The following FAR2 variants were observed in gnomAD, a reference collection of about 807,000 sequenced individuals.
The protein encoded by FAR2 is epididymis secretory protein Li 81.
FAR2 carries 19 observed loss-of-function variants against 56.0 expected under a neutral mutation model. The ratio of observed to expected loss-of-function variants is 0.34; its 90% CI spans 0.24 to 0.50. The LOEUF (loss-of-function observed/expected upper bound fraction) is 0.50, where lower values mean the gene tolerates loss of function less well. Among genes scored for constraint, FAR2 ranks in the 20% least tolerant of loss-of-function variants. The pLI is 0.98. For synonymous variants in FAR2, 219 were observed against 218.8 expected, an observed-to-expected ratio of 1.00 and a Z score of -0.01; for missense variants, 508 against 642.2, an observed-to-expected ratio of 0.79 and a Z score of 2.26.
chr12:29,294,489 G>A (rs1443591529), intron 3 of FAR2, among the ~76,000 whole-genome samples: 1 of 151,766 alleles, frequency 6.6e-6, no homozygotes, highest in African/African-American at 2.4e-5. Context: ...TTGGGATTAC[G>A]GGTGCCTGCC....
intron 1 of FAR2, among the ~76,000 whole-genome samples, chr12:29,240,392 T>C (rs67150462): frequency 0.37 from 55,998 of 151,998 alleles, 10,430 homozygotes; most frequent in African/African-American, 0.41. Flanking sequence ...CTGTCAGGAC[T>C]CCTCCTTCCA....
intron 10 of FAR2, among the ~76,000 whole-genome samples, chr12:29,329,989 C>T (rs975368813): frequency 1.8e-4 from 27 of 150,760 alleles, no homozygotes; most frequent in African/African-American, 6.1e-4. Flanking sequence ...AATATAGTTT[C>T]ATAGGACTCG....
chr12:29,281,280 G>A (rs1810290301), intron 2 of FAR2: 1 of 152,220 alleles, frequency 6.6e-6, no homozygotes, highest in Non-Finnish European at 1.5e-5. Flanking sequence ...AGAGAAGACA[G>A]GCAGGCAAGC....
chr12:29,267,485 T>C (rs767036192), intron 1 of FAR2, among the ~76,000 whole-genome samples: 2 of 152,216 alleles, frequency 1.3e-5, no homozygotes, highest in Non-Finnish European at 2.9e-5. Flanking sequence ...GTGGTAGAAC[T>C]GGGATTTTAC....
At chr12:29,149,473 G>A (rs998224208) in intron 1 of FAR2, 66 bp downstream of exon 1, 2 of 152,384 alleles carry the variant, frequency 1.3e-5, no homozygotes, top group African/African-American at 4.8e-5. Flanking sequence ...AGACCGGACT[G>A]GGGGTGGCCC....
intron 1 of FAR2, among the ~76,000 whole-genome samples, chr12:29,168,364 T>G (rs1949851278): frequency 1.3e-5 from 2 of 152,212 alleles, no homozygotes; most frequent in African/African-American, 4.8e-5. Context: ...TTTCTGGGGA[T>G]GGAGAGCAGT....
Position 29,153,347 on chromosome 12 carries a change from AATC to A in FAR2, c.-39+3942_-39+3944del, listed in dbSNP as rs894214203. 3.3e-5 allele frequency among the ~76,000 whole-genome samples: 5 copies of A among 152,326 alleles called. No individual in the cohort carries two copies. In the East Asian group the frequency reaches 9.6e-4, roughly 29 times the overall value. ...TAGGGGTTAACTTGACTAAAAAAAAAATCAACAAAGAGAAAAAGCAATCTGGGC... is the reference window on the plus strand; with the variant it reads ...TAGGGGTTAACTTGACTAAAAAAAAAAACAAAGAGAAAAAGCAATCTGGGC... On this transcript the variant is annotated intron_variant, in intron 1 of 11. Coordinates refer to ENST00000536681, the MANE Select transcript of FAR2 (RefSeq NM_001271783.2).
chr12:29,276,145 T>C (rs1020133495), intron 2 of FAR2, among the ~76,000 whole-genome samples: 17 of 152,222 alleles, frequency 1.1e-4, no homozygotes, highest in African/African-American at 4.1e-4. Flanking sequence ...ATCTGTAAAA[T>C]GCTGTAATAA....
chr12:29,253,332 G>T (rs1720266576), intron 1 of FAR2, among the ~76,000 whole-genome samples: 1 of 148,342 alleles, frequency 6.7e-6, no homozygotes, highest in East Asian at 2.0e-4. Context: ...TATCTAGATA[G>T]ATATCTATAT....
intron 4 of FAR2, among the ~76,000 whole-genome samples, chr12:29,305,912 T>A (rs1211988395): frequency 6.6e-6 from 1 of 152,080 alleles, no homozygotes; most frequent in Admixed American, 6.5e-5. Flanking sequence ...TACCCCAACA[T>A]TAATGACAGC....
At chr12:29,193,775 T>C (rs1260704260) in intron 1 of FAR2, among the ~76,000 whole-genome samples, 1 of 152,218 alleles carries the variant, frequency 6.6e-6, no homozygotes, top group African/African-American at 2.4e-5. Flanking sequence ...AGGAGCATAA[T>C]TGCTGAATCA....
intron 1 of FAR2, among the ~76,000 whole-genome samples, chr12:29,266,215 T>A (rs1336229030): frequency 1.3e-5 from 2 of 152,176 alleles, no homozygotes; most frequent in Non-Finnish European, 2.9e-5. Flanking sequence ...CTCCCATATT[T>A]ATTGCAGTGT....
chr12:29,271,915 G>A (rs1948625009), intron 2 of FAR2, among the ~76,000 whole-genome samples: 1 of 152,172 alleles, frequency 6.6e-6, no homozygotes, highest in African/African-American at 2.4e-5. Context: ...CTACCTAGTA[G>A]AGGAAAAATT....
intron 5 of FAR2, 50 bp downstream of exon 5, chr12:29,307,885 T>C (rs1672441292): frequency 6.5e-7 from 1 of 1,541,660 alleles, no homozygotes; most frequent in Non-Finnish European, 8.8e-7. Context: ...CTAAGGTTCT[T>C]CTAGTCCAAT....
chr12:29,242,302 A>G (rs1948050195), intron 1 of FAR2, among the ~76,000 whole-genome samples: 1 of 152,224 alleles, frequency 6.6e-6, no homozygotes. Flanking sequence ...TCTGAACAGC[A>G]TTATACTAGG....
intron 1 of FAR2, among the ~76,000 whole-genome samples, chr12:29,211,951 A>T (rs769007875): frequency 2.0e-4 from 30 of 150,800 alleles, no homozygotes; most frequent in Non-Finnish European, 1.5e-4. Context: ...CATGTGAATA[A>T]CGAAGTTTTG....
chr12:29,248,852 A>G (rs1948167347), intron 1 of FAR2, among the ~76,000 whole-genome samples: 1 of 152,188 alleles, frequency 6.6e-6, no homozygotes, highest in Admixed American at 6.5e-5. Flanking sequence ...GAATTCAGCA[A>G]TATTTCTCCC....
intron 1 of FAR2, among the ~76,000 whole-genome samples, chr12:29,241,815 G>A (rs1344007407): frequency 6.6e-6 from 1 of 152,228 alleles, no homozygotes; most frequent in Non-Finnish European, 1.5e-5. Flanking sequence ...CGAGGAGGCA[G>A]GAGCACCTCA....
chr12:29,154,998 G>A (rs1561131), intron 1 of FAR2, among the ~76,000 whole-genome samples: 98,225 of 152,098 alleles, frequency 0.65, 33,308 homozygotes, highest in East Asian at 0.75. Flanking sequence ...GTGGAAAGCG[G>A]GAGACTGGAA....
Sources: gnomAD v4.1 joint callset for allele counts (sites outside exome capture counted in the v4.1 genomes callset) on GRCh38, gnomAD v4.1.1 for gene constraint, MANE v1.5 for transcripts, NCBI Gene and HGNC (gene_info 2026-07-23, HGNC 2026-07-21) for gene names.